MAGED1: variants seen among roughly 807,000 people sequenced by gnomAD.
MAGED1 encodes MAGE family member D1.
A neutral mutation model predicts 54.1 loss-of-function variants in MAGED1; 3 were observed. The observed-to-expected ratio is 0.06, with a 90% confidence interval of 0.03 to 0.14. MAGED1 has a LOEUF of 0.14. Among genes scored for constraint, MAGED1 ranks in the 10% least tolerant of loss-of-function variants. MAGED1 has a pLI of 1.00. For synonymous variants in MAGED1, 217 were observed against 227.3 expected (o/e 0.95, Z 0.41); for missense variants, 485 against 623.4 (o/e 0.78, Z 2.36).
chrX:51,835,145 C>T (rs1180297362), intron 1 of MAGED1, among the ~76,000 whole-genome samples: 2 of 111,525 alleles, frequency 1.8e-5, no homozygotes, highest in Non-Finnish European at 3.8e-5. Flanking sequence ...TATACAGATG[C>T]TCCTTGATTT....
Position 51,898,181 on chromosome X carries a change from C to A in MAGED1, c.1726C>A (p.Arg576Ser). ...ILGVIFMNGN[R>S]ASEAVLWEAL... is the part of the protein sequence containing the mutation. ...GGGTGTCATCTTCATGAATGGCAAC[C>A]GTGCCAGTGAGGGTGAGTGGCTGGA... Residue 576 changes from arginine to serine, a missense_variant, in exon 8 of 13, where the codon CGT becomes AGT. This residue lies in a region of MAGED1 where 186 missense variants were observed against 330.3 expected (regional missense o/e 0.56). Coordinates refer to ENST00000326587, the MANE Select transcript of MAGED1 (RefSeq NM_006986.4). 8.3e-7 allele frequency: 1 copy of A among 1,211,056 alleles called. No homozygotes were observed. Among genetic ancestry groups the A allele is most frequent in the Non-Finnish European group, 1.1e-6 (1 of 894,917 alleles).
intron 1 of MAGED1, among the ~76,000 whole-genome samples, chrX:51,881,278 G>A (rs1002645559): frequency 3.6e-5 from 4 of 111,333 alleles, no homozygotes; most frequent in African/African-American, 1.3e-4. Context: ...TCACACTGAG[G>A]ATTTAGGTTT....
intron 1 of MAGED1, among the ~76,000 whole-genome samples, chrX:51,849,243 G>A (rs1464936379): frequency 9.0e-6 from 1 of 111,101 alleles, no homozygotes; most frequent in African/African-American, 3.3e-5. Flanking sequence ...ATATATGTGT[G>A]TCTGCTTCTA....
intron 1 of MAGED1, among the ~76,000 whole-genome samples, chrX:51,880,824 C>T (rs1292341448): frequency 9.0e-6 from 1 of 111,392 alleles, no homozygotes. Flanking sequence ...TTCATTTCTT[C>T]ATCTTCCTGT....
chrX:51,826,872 T>G (rs1042144972), intron 1 of MAGED1, among the ~76,000 whole-genome samples: 2 of 112,505 alleles, frequency 1.8e-5, no homozygotes, highest in Non-Finnish European at 3.8e-5. Context: ...GCGATTGCGT[T>G]CCTTGATATT....
chrX:51,845,135 GGCAGGAGAATCGCTTGAAC>G (rs1176474692), intron 1 of MAGED1, among the ~76,000 whole-genome samples: 2 of 111,307 alleles, frequency 1.8e-5, no homozygotes, highest in African/African-American at 6.5e-5. Flanking sequence ...AGGAGGCTGA[GGCAGGAGAATCGCTTGAAC>G]GCAGGAGAAT....
At chrX:51,809,397 C>T (rs1366875369) in intron 1 of MAGED1, among the ~76,000 whole-genome samples, 4 of 111,708 alleles carry the variant, frequency 3.6e-5, no homozygotes, top group Non-Finnish European at 7.5e-5. Flanking sequence ...TAATTACAGG[C>T]GTGAGCCACC....
At chrX:51,863,119 C>G (rs1475702508) in intron 1 of MAGED1, among the ~76,000 whole-genome samples, 6 of 112,170 alleles carry the variant, frequency 5.3e-5, no homozygotes, top group African/African-American at 1.9e-4. Flanking sequence ...CTCTCCACTT[C>G]CCCCACACAC....
At chrX:51,825,949 G>A (rs1465346870) in intron 1 of MAGED1, among the ~76,000 whole-genome samples, 1 of 112,313 alleles carries the variant, frequency 8.9e-6, no homozygotes, top group East Asian at 2.8e-4. Context: ...AACCTTTTAA[G>A]TAGCGTCTTC....
chrX:51,866,850 T>C (rs1286811126), intron 1 of MAGED1, among the ~76,000 whole-genome samples: 2 of 111,770 alleles, frequency 1.8e-5, no homozygotes, highest in Non-Finnish European at 3.8e-5. Context: ...TGATGTTAAT[T>C]TGTATCAGTG....
intron 1 of MAGED1, among the ~76,000 whole-genome samples, chrX:51,868,301 GAAT>G (rs1249238969): frequency 1.8e-5 from 2 of 111,316 alleles, no homozygotes; most frequent in African/African-American, 6.5e-5. Context: ...GTGTATGAGA[GAAT>G]AAGATAGGAG....
intron 1 of MAGED1, among the ~76,000 whole-genome samples, chrX:51,810,318 A>T: frequency 8.9e-6 from 1 of 111,738 alleles, no homozygotes; most frequent in Admixed American, 9.5e-5. Context: ...AGAAACTAAG[A>T]TGGGAATACT....
chrX:51,856,810 C>T (rs1340326686), intron 1 of MAGED1, among the ~76,000 whole-genome samples: 2 of 111,481 alleles, frequency 1.8e-5, no homozygotes, highest in Non-Finnish European at 3.8e-5. Flanking sequence ...AAATTTGTTA[C>T]AGGCACAGTA....
At position 51,897,534 on chromosome X, in the gene MAGED1, C is replaced by T. The variant is rs200951807; in HGVS notation, c.1487-13C>T. 1.6e-5 allele frequency: 19 copies of T among 1,185,155 alleles called. No homozygotes were observed. In the Admixed American group the frequency reaches 4.2e-4, roughly 26 times the overall value. ...CCCGCTCGGCTCAGATGGCTCCCTCCTCTCTCCTACAGAAATGCTGAGAGA... is the reference window on the plus strand; with the variant it reads ...CCCGCTCGGCTCAGATGGCTCCCTCTTCTCTCCTACAGAAATGCTGAGAGA... On this transcript the variant is annotated splice_polypyrimidine_tract_variant and intron_variant, in intron 5 of 12. Coordinates refer to ENST00000326587, the MANE Select transcript of MAGED1 (RefSeq NM_006986.4).
At chrX:51,888,439 C>T (rs1037767504) in intron 1 of MAGED1, among the ~76,000 whole-genome samples, 1 of 112,068 alleles carries the variant, frequency 8.9e-6, no homozygotes, top group Non-Finnish European at 1.9e-5. Flanking sequence ...TATTACTACA[C>T]ACCTATGGCC....
chrX:51,825,675 C>T (rs1348613493), intron 1 of MAGED1, among the ~76,000 whole-genome samples: 1 of 111,631 alleles, frequency 9.0e-6, no homozygotes, highest in Non-Finnish European at 1.9e-5. Context: ...CATTAGCCTT[C>T]ACTTCCTGAT....
chrX:51,843,998 A>T (rs1926597229), intron 1 of MAGED1, among the ~76,000 whole-genome samples: 1 of 111,975 alleles, frequency 8.9e-6, no homozygotes, highest in African/African-American at 3.2e-5. Flanking sequence ...TCCTAAAGAA[A>T]ATCTGTATCA....
At chrX:51,805,371 A>T (rs1924989385) in intron 1 of MAGED1, among the ~76,000 whole-genome samples, 1 of 111,102 alleles carries the variant, frequency 9.0e-6, no homozygotes, top group Non-Finnish European at 1.9e-5. Flanking sequence ...CAAGACTAGG[A>T]GGTATGTAGT....
chrX:51,826,216 A>C (rs186068820), intron 1 of MAGED1, among the ~76,000 whole-genome samples: 2 of 112,107 alleles, frequency 1.8e-5, no homozygotes, highest in South Asian at 7.4e-4. Context: ...GTTTTATTAG[A>C]TGTCTCTTTG....
Sources: gnomAD v4.1 joint callset for allele counts (sites outside exome capture counted in the v4.1 genomes callset) on GRCh38, gnomAD v4.1.1 for gene constraint, gnomAD v4.1.1 regional missense constraint, MANE v1.5 for transcripts, NCBI Gene and HGNC (gene_info 2026-07-23, HGNC 2026-07-21) for gene names.